The following MGAT4A variants were observed in gnomAD, a reference collection of about 807,000 sequenced individuals.
The protein encoded by MGAT4A is N-acetylglucosaminyltransferase IVa.
Under a neutral mutation model 74.1 loss-of-function variants are expected in MGAT4A, and 33 were observed. That is an observed-to-expected ratio of 0.45 (90% CI 0.34 to 0.60). The LOEUF is 0.60. MGAT4A is among the 20% of genes least tolerant of loss of function. The probability of loss-of-function intolerance (pLI) is 0.02; values close to 1 mark genes in which losing one functional copy is unlikely to be tolerated. For synonymous variants in MGAT4A, 198 were observed against 210.4 expected (o/e 0.94, Z 0.51); for missense variants, 479 against 628.3 (o/e 0.76, Z 2.54).
At chr2:98,720,397 T>A (rs561601823) in intron 2 of MGAT4A, among the ~76,000 whole-genome samples, 1 of 152,292 alleles carries the variant, frequency 6.6e-6, no homozygotes, top group South Asian at 2.1e-4. Flanking sequence ...AGCTAGGATA[T>A]CCCACCCTCA....
Position 98,621,448 on chromosome 2 carries a change from C to G in MGAT4A, c.*4118G>C. On this transcript the variant is annotated 3_prime_UTR_variant, in exon 16 of 16. Transcript: ENST00000393487. ...CCTCTACCTTAAAACAGCAATGGTG[C>G]CTGAGGTCCTTCTGCTTTGTCTCTT... The G allele has an allele frequency of 6.4e-7, 1 of 1,551,648 alleles. No homozygotes were observed. The highest frequency in any genetic ancestry group is 8.7e-7 in the Non-Finnish European group (1 of 1,146,964).
chr2:98,664,685 T>C (rs113464910), intron 4 of MGAT4A, among the ~76,000 whole-genome samples: 2 of 152,216 alleles, frequency 1.3e-5, no homozygotes, highest in African/African-American at 4.8e-5. Context: ...TTTTTCAAGA[T>C]GGAATGCCAC....
At chr2:98,711,863 A>C (rs1273908767) in intron 2 of MGAT4A, among the ~76,000 whole-genome samples, 2 of 152,108 alleles carry the variant, frequency 1.3e-5, no homozygotes, top group Non-Finnish European at 2.9e-5. Context: ...ATTTCAAGGG[A>C]TCCTCCTGCC....
intron 9 of MGAT4A, 110 bp downstream of exon 9, chr2:98,645,318 C>T (rs1283623686): frequency 2.7e-6 from 2 of 750,452 alleles, no homozygotes; most frequent in Non-Finnish European, 4.2e-6. Context: ...TCTAAAACAA[C>T]CCATTTCCAT....
chr2:98,701,814 C>G (rs1702359693), intron 2 of MGAT4A, among the ~76,000 whole-genome samples: 1 of 152,156 alleles, frequency 6.6e-6, no homozygotes, highest in Non-Finnish European at 1.5e-5. Context: ...CAAGACTCTT[C>G]TTTTTAGAAA....
chr2:98,683,138 G>A (rs1195468240), intron 2 of MGAT4A, among the ~76,000 whole-genome samples: 2 of 151,938 alleles, frequency 1.3e-5, no homozygotes, highest in South Asian at 2.1e-4. Context: ...ACTTTAAGAC[G>A]TGTCAAGGTC....
chr2:98,701,716 C>A (rs917169133), intron 2 of MGAT4A, among the ~76,000 whole-genome samples: 31 of 152,306 alleles, frequency 2.0e-4, no homozygotes, highest in African/African-American at 7.5e-4. Flanking sequence ...AGGCTGCTGA[C>A]CAATTTGGCA....
intron 2 of MGAT4A, among the ~76,000 whole-genome samples, chr2:98,700,830 G>A (rs933031471): frequency 2.0e-5 from 3 of 150,762 alleles, no homozygotes; most frequent in African/African-American, 7.3e-5. Flanking sequence ...GGCGGAGGTT[G>A]CAGTGAGCCG....
intron 2 of MGAT4A, among the ~76,000 whole-genome samples, chr2:98,702,431 G>C (rs563523352): frequency 6.6e-6 from 1 of 152,328 alleles, no homozygotes; most frequent in African/African-American, 2.4e-5. Flanking sequence ...CCTTGAAAAT[G>C]AGATGGCTGT....
chr2:98,645,707 A>G (rs771454285), intron 8 of MGAT4A, among the ~76,000 whole-genome samples, 165 bp from the exon 9 acceptor site: 1 of 152,224 alleles, frequency 6.6e-6, no homozygotes, highest in Non-Finnish European at 1.5e-5. Context: ...GAAAGTGAAG[A>G]AAACAAAATG....
intron 4 of MGAT4A, among the ~76,000 whole-genome samples, chr2:98,668,818 C>G (rs1165295854): frequency 6.6e-6 from 1 of 152,232 alleles, no homozygotes; most frequent in Non-Finnish European, 1.5e-5. Context: ...GTGACCTGGA[C>G]GTGAGACATG....
At chr2:98,664,844 C>A (rs761872312) in intron 4 of MGAT4A, among the ~76,000 whole-genome samples, 1 of 152,028 alleles carries the variant, frequency 6.6e-6, no homozygotes, top group East Asian at 1.9e-4. Flanking sequence ...CATTTTCATA[C>A]CACAGTGATT....
Position 98,678,393 on chromosome 2 carries a change from C to T in MGAT4A, c.173G>A (p.Arg58His), listed in dbSNP as rs767871534. 15 of 1,595,330 alleles carry T rather than the reference C, an allele frequency of 9.4e-6. No individual in the cohort carries two copies. The highest frequency in any genetic ancestry group is 3.4e-6 in the Non-Finnish European group (4 of 1,167,564). ...CACAATCGTATTTAATTCAGAAGAG[C>T]GCTGTGAGATTCTGTGTTCAGCTAT... ...LRIAEHRISQ[R>H]SSELNTIVQQ... The change falls in exon 3 of 16, where the codon CGC (arginine) becomes CAC (histidine). Residue 58 changes from arginine (R) to histidine (H), a missense_variant. Physicochemically the swap from Arg to His is conservative, Grantham distance 29. Around this residue, in one of 3 missense-constraint regions of MGAT4A, gnomAD observed 205 missense variants for 232.7 expected, o/e 0.88. Transcript: ENST00000393487.
At chr2:98,655,065 A>T (rs1701638283) in intron 8 of MGAT4A, among the ~76,000 whole-genome samples, 1 of 152,210 alleles carries the variant, frequency 6.6e-6, no homozygotes, top group Admixed American at 6.5e-5. Context: ...TACAAAAAAA[A>T]ATTAGTTCAT....
intron 1 of MGAT4A, among the ~76,000 whole-genome samples, chr2:98,727,407 G>C (rs1490173180): frequency 6.6e-6 from 1 of 152,148 alleles, no homozygotes; most frequent in Non-Finnish European, 1.5e-5. Flanking sequence ...GCATATAATA[G>C]GTTCTCAAAA....
intron 1 of MGAT4A, among the ~76,000 whole-genome samples, chr2:98,730,534 G>T (rs1055605893): frequency 6.6e-6 from 1 of 152,128 alleles, no homozygotes; most frequent in Non-Finnish European, 1.5e-5. Flanking sequence ...GCCTCGGACC[G>T]TCCGGCCCCG....
At chr2:98,718,207 C>CAT (rs61096955) in intron 2 of MGAT4A, among the ~76,000 whole-genome samples, 49,637 of 152,036 alleles carry the variant, frequency 0.33, 10,459 homozygotes, top group African/African-American at 0.59. Flanking sequence ...GATGGCATGT[C>CAT]AGTTTAATCA....
At chr2:98,686,064 C>G (rs1702126724) in intron 2 of MGAT4A, among the ~76,000 whole-genome samples, 1 of 152,094 alleles carries the variant, frequency 6.6e-6, no homozygotes, top group Admixed American at 6.6e-5. Context: ...TAACTTGGGA[C>G]AGAGAGGGTT....
intron 2 of MGAT4A, among the ~76,000 whole-genome samples, chr2:98,707,033 T>A (rs1356699269): frequency 1.3e-5 from 2 of 152,080 alleles, no homozygotes; most frequent in Non-Finnish European, 1.5e-5. Flanking sequence ...CTGGCCAACA[T>A]GGTAAAACTC....
Sources: gnomAD v4.1 joint callset for allele counts (sites outside exome capture counted in the v4.1 genomes callset) on GRCh38, gnomAD v4.1.1 for gene constraint, gnomAD v4.1.1 regional missense constraint, MANE v1.5 for transcripts, NCBI Gene and HGNC (gene_info 2026-07-23, HGNC 2026-07-21) for gene names.